TMEM132C: variants seen among roughly 807,000 people sequenced by gnomAD.
TMEM132C encodes the protein transmembrane protein 132C, also known as protein phosphatase 1, regulatory subunit 152.
A neutral mutation model predicts 61.4 loss-of-function variants in TMEM132C; 29 were observed. That is an observed-to-expected ratio of 0.47 (90% CI 0.35 to 0.64). The LOEUF (loss-of-function observed/expected upper bound fraction) is 0.64. Ranked by LOEUF, TMEM132C falls within the 30% of genes least tolerant of loss-of-function variation. TMEM132C has a pLI of 0.00. For missense variants in TMEM132C, 1,408 were observed against 1,476.9 expected (o/e 0.95, Z 0.76); for synonymous variants, 656 against 633.1 (o/e 1.04, Z -0.54).
At chr12:128,697,985 A>G (rs1954777815) in intron 8 of TMEM132C, among the ~76,000 whole-genome samples, 1 of 152,204 alleles carries the variant, frequency 6.6e-6, no homozygotes, top group Non-Finnish European at 1.5e-5. Context: ...CCCTCTTCTC[A>G]TAAATGCCTT....
intron 1 of TMEM132C, among the ~76,000 whole-genome samples, chr12:128,291,270 A>T (rs1871238861): frequency 6.6e-6 from 1 of 152,206 alleles, no homozygotes; most frequent in Non-Finnish European, 1.5e-5. Context: ...AAGTCCTTTG[A>T]AGTCCAGTTC....
At position 128,278,750 on chromosome 12, in the gene TMEM132C, ATGTGTGTGTGTG is replaced by A. The variant is rs35003496; in HGVS notation, c.85+11289_85+11300del. On this transcript the variant is annotated intron_variant, in intron 1 of 8. Coordinates refer to ENST00000435159, the MANE Select transcript of TMEM132C (RefSeq NM_001136103.3). The surrounding 1 kb of genome is among the most constrained non-coding windows in gnomAD (Gnocchi z 4.2). ...TGTGCAGACTTGATTCTATACGTGT[ATGTGTGTGTGTG>A]TGTGTGTGTGTGTGTGTGTGTGTGT... Among the ~76,000 whole-genome samples, 31 of 136,966 alleles carry A rather than the reference ATGTGTGTGTGTG, an allele frequency of 2.3e-4. No homozygotes were observed. The highest frequency in any genetic ancestry group is 6.5e-4 in the Admixed American group (9 of 13,934). The allele number at this position is 136,966 out of a possible 152,430, so 89.9% of individuals were successfully genotyped here. A position where few individuals can be genotyped will look rare whatever the true frequency, so the allele number is the denominator to read the frequency against.
chr12:128,279,908 G>A (rs75574664), intron 1 of TMEM132C, among the ~76,000 whole-genome samples: 3,333 of 152,278 alleles, frequency 0.022, 96 homozygotes, highest in East Asian at 0.085. Flanking sequence ...ATTGTTTCAT[G>A]GTTGTATTTA....
At chr12:128,306,854 C>T (rs1449367138) in intron 1 of TMEM132C, among the ~76,000 whole-genome samples, 2 of 152,094 alleles carry the variant, frequency 1.3e-5, no homozygotes, top group African/African-American at 4.8e-5. Flanking sequence ...CTCTCGTTGG[C>T]ATGTTGGGAA....
At chr12:128,497,542 C>T (rs1009956576) in intron 2 of TMEM132C, among the ~76,000 whole-genome samples, 1 of 152,208 alleles carries the variant, frequency 6.6e-6, no homozygotes, top group African/African-American at 2.4e-5. Flanking sequence ...AGGCGCCCCT[C>T]CCCCAGCCTC....
chr12:128,468,012 T>A (rs1870798070), intron 2 of TMEM132C, among the ~76,000 whole-genome samples: 1 of 152,224 alleles, frequency 6.6e-6, no homozygotes, highest in Middle Eastern at 3.4e-3. Flanking sequence ...AGGACATCAC[T>A]TGGAGGGGAT....
intron 2 of TMEM132C, among the ~76,000 whole-genome samples, chr12:128,473,494 A>C (rs111928996): frequency 1.4e-5 from 2 of 146,722 alleles, no homozygotes; most frequent in African/African-American, 2.5e-5. Flanking sequence ...TTCTATCTTC[A>C]TCCTTACTCC....
intron 4 of TMEM132C, among the ~76,000 whole-genome samples, chr12:128,626,127 C>CTTT (rs1555237535): frequency 1.4e-5 from 2 of 139,202 alleles, no homozygotes; most frequent in Admixed American, 7.2e-5. Context: ...TTCTTTCTTT[C>CTTT]TTTTTTTTTT....
In TMEM132C at chr12:128,361,078, G is replaced by C. The variant is rs188748165; in HGVS notation, c.86-53654G>C. On this transcript the variant is annotated intron_variant, in intron 1 of 8. Coordinates refer to ENST00000435159, the MANE Select transcript of TMEM132C (RefSeq NM_001136103.3). ...TATGAAGCTCATGGTGCAGGAGTTG[G>C]GCAGGGGAAGGCGGATCATGCTCGC... 2.1e-3 allele frequency among the ~76,000 whole-genome samples: 320 copies of C among 152,260 alleles called. 1 individual carries two copies. The highest frequency in any genetic ancestry group is 7.6e-3 in the African/African-American group (314 of 41,556).
chr12:128,379,883 T>C (rs1027577209), intron 1 of TMEM132C, among the ~76,000 whole-genome samples: 4 of 152,184 alleles, frequency 2.6e-5, no homozygotes, highest in African/African-American at 9.7e-5. Context: ...AGTACAGAGT[T>C]CTGTTCAGTA....
At chr12:128,443,437 T>C (rs1412006386) in intron 2 of TMEM132C, among the ~76,000 whole-genome samples, 2 of 152,202 alleles carry the variant, frequency 1.3e-5, no homozygotes, top group Non-Finnish European at 2.9e-5. Flanking sequence ...TTAATAAAAA[T>C]GTTTAAAAGC....
At chr12:128,678,815 C>T (rs1273806139) in intron 5 of TMEM132C, among the ~76,000 whole-genome samples, 3 of 152,204 alleles carry the variant, frequency 2.0e-5, no homozygotes, top group South Asian at 2.1e-4. Flanking sequence ...GTCAATCATG[C>T]TGAGGTTGAG....
At chr12:128,634,512 A>G (rs1323625370) in intron 4 of TMEM132C, among the ~76,000 whole-genome samples, 3 of 152,244 alleles carry the variant, frequency 2.0e-5, no homozygotes, top group South Asian at 2.1e-4. Context: ...GTCTCAAGGG[A>G]ATGGCCCCAA....
intron 1 of TMEM132C, among the ~76,000 whole-genome samples, chr12:128,363,178 A>C (rs1227030109): frequency 1.3e-5 from 2 of 152,224 alleles, no homozygotes; most frequent in East Asian, 3.8e-4. Context: ...CAATTTTTTC[A>C]CTCTATTCTA....
intron 4 of TMEM132C, among the ~76,000 whole-genome samples, chr12:128,668,411 T>A (rs1180538320): frequency 6.6e-6 from 1 of 152,208 alleles, no homozygotes. Context: ...AGCCAATAAA[T>A]TTCCCTTATA....
chr12:128,563,677 A>G (rs981458510), intron 3 of TMEM132C, among the ~76,000 whole-genome samples: 2 of 152,136 alleles, frequency 1.3e-5, no homozygotes, highest in Non-Finnish European at 2.9e-5. Flanking sequence ...GACTCTTCAG[A>G]CCTCAGATTT....
At chr12:128,279,063 T>A (rs1870794975) in intron 1 of TMEM132C, among the ~76,000 whole-genome samples, 1 of 152,116 alleles carries the variant, frequency 6.6e-6, no homozygotes, top group South Asian at 2.1e-4. Context: ...TCTCTCCTTA[T>A]ATACTCACTC....
chr12:128,503,154 TAAAG>T (rs1440559310), intron 2 of TMEM132C, among the ~76,000 whole-genome samples: 1 of 141,696 alleles, frequency 7.1e-6, no homozygotes, highest in Non-Finnish European at 1.6e-5. Context: ...TAATTTCTTT[TAAAG>T]GAAGTGAAGA....
At chr12:128,275,892 C>T (rs1295925088) in intron 1 of TMEM132C, among the ~76,000 whole-genome samples, 4 of 152,108 alleles carry the variant, frequency 2.6e-5, no homozygotes. Flanking sequence ...GTGCTGAGCC[C>T]CCAGGGGAGG....
Sources: gnomAD v4.1 joint callset for allele counts (sites outside exome capture counted in the v4.1 genomes callset) on GRCh38, gnomAD v4.1.1 for gene constraint, Gnocchi (gnomAD v3.1) non-coding constraint, MANE v1.5 for transcripts, NCBI Gene and HGNC (gene_info 2026-07-23, HGNC 2026-07-21) for gene names.